The following OSR1 variants were observed in gnomAD, a reference collection of about 807,000 sequenced individuals.
OSR1 encodes odd-skipped related transcription factor 1.
OSR1 carries 3 observed loss-of-function variants against 15.7 expected under a neutral mutation model. That is an observed-to-expected ratio of 0.19 (90% CI 0.09 to 0.50). OSR1 has a LOEUF of 0.50. Among genes scored for constraint, OSR1 ranks in the 20% least tolerant of loss-of-function variants. OSR1 has a pLI of 0.97. For missense variants in OSR1, 271 were observed against 351.1 expected, an observed-to-expected ratio of 0.77 and a Z score of 1.82; for synonymous variants, 166 against 152.7, an observed-to-expected ratio of 1.09 and a Z score of -0.64.
At position 19,352,232 on chromosome 2, in the gene OSR1, G is replaced by C; in HGVS notation, c.*43C>G. 1 of 1,607,712 alleles carries C rather than the reference G, an allele frequency of 6.2e-7. No individual in the cohort carries two copies. Among genetic ancestry groups the C allele is most frequent in the Non-Finnish European group, 8.5e-7 (1 of 1,175,724 alleles). ...TCAGGCTTCTGGTCCCTATGGAGGAGAGGGCCGCTGGGCCTAGGGTCCTTG... is the reference window on the plus strand; with the variant it reads ...TCAGGCTTCTGGTCCCTATGGAGGACAGGGCCGCTGGGCCTAGGGTCCTTG... On this transcript the variant is annotated 3_prime_UTR_variant, in exon 3 of 3. Transcript: ENST00000272223.
chr2:19,348,160 C>T (rs1442943072), downstream of OSR1, among the ~76,000 whole-genome samples: 1 of 152,102 alleles, frequency 6.6e-6, no homozygotes, highest in Admixed American at 6.5e-5. Context: ...CCCTGAAACC[C>T]CGCGGGCAGG....
At chr2:19,356,798 C>A (rs1664959098) in intron 1 of OSR1, 1 of 152,324 alleles carries the variant, frequency 6.6e-6, no homozygotes, top group Admixed American at 6.5e-5. Context: ...GCGTCCCTCG[C>A]GCGGTGGAGC....
At chr2:19,353,981 C>A (rs1046743483) in intron 1 of OSR1, 144 bp from the exon 2 acceptor site, 182 of 666,782 alleles carry the variant, frequency 2.7e-4, no homozygotes, top group Non-Finnish European at 4.2e-4. Flanking sequence ...ATTCCCAAAA[C>A]CCACTGCCCT....
chr2:19,352,852 C>A (rs1330843927), intron 2 of OSR1, among the ~76,000 whole-genome samples: 1 of 152,206 alleles, frequency 6.6e-6, no homozygotes, highest in Non-Finnish European at 1.5e-5. Context: ...TCACATGTGT[C>A]ACATGTCACA....
chr2:19,346,945 T>TAGCGCTCTGGGTGA (rs1664739758), downstream of OSR1, among the ~76,000 whole-genome samples: 1 of 152,128 alleles, frequency 6.6e-6, no homozygotes, highest in Admixed American at 6.5e-5. Context: ...TCCACAAACG[T>TAGCGCTCTGGGTGA]GTGGTGAGTA....
intron 2 of OSR1, among the ~76,000 whole-genome samples, chr2:19,352,618 T>C (rs1190643524): frequency 1.3e-5 from 2 of 151,990 alleles, no homozygotes; most frequent in African/African-American, 4.8e-5. Flanking sequence ...CTTAAACAGG[T>C]TCAGCCACCT....
downstream of OSR1, among the ~76,000 whole-genome samples, chr2:19,351,056 C>T (rs1029901108): frequency 1.3e-5 from 2 of 152,138 alleles, no homozygotes; most frequent in East Asian, 3.9e-4. Context: ...ACCCCAAAGC[C>T]AGAGGCCAGG....
At chr2:19,349,795 CTG>C (rs45530837), downstream of OSR1, among the ~76,000 whole-genome samples, 4 of 151,286 alleles carry the variant, frequency 2.6e-5, no homozygotes, top group Non-Finnish European at 4.4e-5. Context: ...GAAGGGCACC[CTG>C]TGTGTGTGTG....
downstream of OSR1, among the ~76,000 whole-genome samples, chr2:19,348,147 C>A (rs1027513694): frequency 6.6e-6 from 1 of 152,080 alleles, no homozygotes; most frequent in African/African-American, 2.4e-5. Context: ...GCGGCAACTG[C>A]TGCCCTGAAA....
Position 19,357,800 on chromosome 2 carries a change from C to T in OSR1, c.-33+541G>A, listed in dbSNP as rs1664980895. ...GTTCAGACTCGCAGCCCTGCGCTCT[C>T]GGGTCTAGGCGGCCTCATACTAGAG... On this transcript the variant is annotated intron_variant, in intron 1 of 2. Coordinates refer to ENST00000272223, the MANE Select transcript of OSR1 (RefSeq NM_145260.3). This position sits in a 1 kb window ranked among gnomAD's most constrained non-coding sequence, Gnocchi z 5.0. 6.6e-6 allele frequency: 1 copy of T among 152,292 alleles called. No homozygotes were observed. The highest frequency in any genetic ancestry group is 1.5e-5 in the Non-Finnish European group (1 of 68,080). The allele number at this position is 152,292 out of a possible 1,614,324, so 9.4% of individuals were successfully genotyped here.
chr2:19,356,796 C>T (rs1474662856), intron 1 of OSR1: 4 of 152,332 alleles, frequency 2.6e-5, no homozygotes, highest in African/African-American at 9.6e-5. Context: ...TCGCGTCCCT[C>T]GCGCGGTGGA....
chr2:19,353,911 T>C, intron 1 of OSR1, 74 bp from the exon 2 acceptor site: 1 of 1,263,014 alleles, frequency 7.9e-7, no homozygotes, highest in East Asian at 2.6e-5. Flanking sequence ...TCCTCCTGAA[T>C]TCCAGCCGAG....
At chr2:19,356,574 G>A (rs1664953854) in intron 1 of OSR1, 1 of 152,238 alleles carries the variant, frequency 6.6e-6, no homozygotes, top group Non-Finnish European at 1.5e-5. Flanking sequence ...GTGAGCCCCC[G>A]GCTCCTCCGG....
downstream of OSR1, among the ~76,000 whole-genome samples, chr2:19,347,321 T>G (rs1037951228): frequency 3.3e-5 from 5 of 152,310 alleles, no homozygotes; most frequent in South Asian, 1.0e-3. Flanking sequence ...GCAAAATGTG[T>G]ATTACTTTTA....
chr2:19,347,269 A>T (rs762468995), downstream of OSR1, among the ~76,000 whole-genome samples: 1 of 152,220 alleles, frequency 6.6e-6, no homozygotes, highest in African/African-American at 2.4e-5. Flanking sequence ...GTTCTACAAC[A>T]CATTAGGGTA....
the OSR1 span, among the ~76,000 whole-genome samples, chr2:19,345,621 CTAA>C: frequency 6.6e-6 from 1 of 152,168 alleles, no homozygotes; most frequent in African/African-American, 2.4e-5. Flanking sequence ...GATCCCTCTG[CTAA>C]TAATAACTCT....
Position 19,351,997 on chromosome 2 carries a change from T to G in OSR1, c.*278A>C. The G allele has an allele frequency of 3.0e-6, 1 of 331,930 alleles. No homozygotes were observed. The highest frequency in any genetic ancestry group is 4.8e-5 in the East Asian group (1 of 20,646). The allele number at this position is 331,930 out of a possible 1,614,324, so 20.6% of individuals were successfully genotyped here. A position where few individuals can be genotyped will look rare whatever the true frequency, so the allele number is the denominator to read the frequency against. On this transcript the variant is annotated 3_prime_UTR_variant, in exon 3 of 3. Coordinates refer to ENST00000272223, the MANE Select transcript of OSR1 (RefSeq NM_145260.3). ...AGGCGCCGCTGCGGCTCCGCGGAGC[T>G]TTCGTTCTTTTTTTAATGCAGTTTC...
intron 2 of OSR1, 95 bp from the exon 3 acceptor site, chr2:19,352,505 C>G: frequency 6.9e-7 from 1 of 1,459,802 alleles, no homozygotes; most frequent in Non-Finnish European, 9.4e-7. Context: ...GGCACTTGCC[C>G]TCAAAGGAAA....
At chr2:19,355,856 A>G (rs1009851894) in intron 1 of OSR1, 1 of 152,254 alleles carries the variant, frequency 6.6e-6, no homozygotes, top group African/African-American at 2.4e-5. Context: ...AAGGAGAAGT[A>G]AATTTCAAAT....
Sources: gnomAD v4.1 joint callset for allele counts (sites outside exome capture counted in the v4.1 genomes callset) on GRCh38, gnomAD v4.1.1 for gene constraint, Gnocchi (gnomAD v3.1) non-coding constraint, MANE v1.5 for transcripts, NCBI Gene and HGNC (gene_info 2026-07-23, HGNC 2026-07-21) for gene names.